The following SGCZ variants were observed in gnomAD, a reference collection of about 807,000 sequenced individuals.
SGCZ encodes sarcoglycan zeta, also known as zeta-sarcoglycan.
A neutral mutation model predicts 41.3 loss-of-function variants in SGCZ; 40 were observed. The observed-to-expected ratio is 0.97, with a 90% CI of 0.75 to 1.26. The LOEUF is 1.26. Among genes scored for constraint, SGCZ ranks in the 50% most tolerant of loss-of-function variants. SGCZ has a pLI of 0.00. For synonymous variants in SGCZ, 206 were observed against 137.5 expected (o/e 1.50, Z -3.49); for missense variants, 552 against 369.8 (o/e 1.49, Z -4.04).
intron 5 of SGCZ, among the ~76,000 whole-genome samples, chr8:14,125,440 C>G (rs1179133682): frequency 6.6e-6 from 1 of 150,828 alleles, no homozygotes; most frequent in Non-Finnish European, 1.5e-5. Context: ...GGAGGCAGAG[C>G]TCGCAGTGAG....
At chr8:14,994,650 G>C (rs1174988415) in intron 1 of SGCZ, among the ~76,000 whole-genome samples, 1 of 151,294 alleles carries the variant, frequency 6.6e-6, no homozygotes, top group Non-Finnish European at 1.5e-5. Flanking sequence ...TAGATTAGGG[G>C]CGTGTGTGTA....
chr8:14,758,888 A>C (rs1369261640), intron 1 of SGCZ, among the ~76,000 whole-genome samples: 1 of 151,872 alleles, frequency 6.6e-6, no homozygotes, highest in East Asian at 1.9e-4. Flanking sequence ...TGTGCCTGTC[A>C]TCTCAGCTAC....
intron 2 of SGCZ, among the ~76,000 whole-genome samples, chr8:14,498,526 A>G (rs1802058270): frequency 1.3e-5 from 2 of 152,110 alleles, no homozygotes; most frequent in African/African-American, 2.4e-5. Context: ...ACAAAAGAAT[A>G]ACCCATAACA....
chr8:15,113,859 A>G (rs930029585), intron 1 of SGCZ, among the ~76,000 whole-genome samples: 1 of 152,188 alleles, frequency 6.6e-6, no homozygotes, highest in African/African-American at 2.4e-5. Flanking sequence ...CTTCTTCCTT[A>G]TAAGTTCCCC....
intron 4 of SGCZ, among the ~76,000 whole-genome samples, chr8:14,221,429 C>T (rs1281371602): frequency 6.6e-6 from 1 of 152,160 alleles, no homozygotes; most frequent in Non-Finnish European, 1.5e-5. Context: ...TCCATTCCTA[C>T]CACAGTGCCT....
intron 1 of SGCZ, among the ~76,000 whole-genome samples, chr8:14,884,999 C>T (rs1371958113): frequency 6.6e-6 from 1 of 152,074 alleles, no homozygotes; most frequent in Non-Finnish European, 1.5e-5. Flanking sequence ...CCACCCACTG[C>T]CATGACTTTT....
intron 4 of SGCZ, among the ~76,000 whole-genome samples, chr8:14,177,753 T>A (rs1316787993): frequency 4.7e-5 from 7 of 147,876 alleles, no homozygotes; most frequent in Admixed American, 2.7e-4. Flanking sequence ...CTCGATCTCC[T>A]GACCTCGTGA....
At chr8:14,863,467 G>C (rs1262205453) in intron 1 of SGCZ, among the ~76,000 whole-genome samples, 12 of 151,976 alleles carry the variant, frequency 7.9e-5, no homozygotes. Context: ...TGGGACTACA[G>C]GTACTCACCA....
At chr8:15,091,823 G>A (rs1806162772) in intron 1 of SGCZ, among the ~76,000 whole-genome samples, 2 of 152,188 alleles carry the variant, frequency 1.3e-5, no homozygotes, top group South Asian at 4.1e-4. Flanking sequence ...TGTGATCACG[G>A]CTCACTGCAG....
chr8:14,389,333 A>G (rs1031704628), intron 2 of SGCZ, among the ~76,000 whole-genome samples: 2 of 151,876 alleles, frequency 1.3e-5, no homozygotes, highest in Admixed American at 6.6e-5. Context: ...AATTTTTCAG[A>G]AATAAAGAAA....
intron 1 of SGCZ, among the ~76,000 whole-genome samples, chr8:14,869,742 C>T (rs1474686657): frequency 2.0e-5 from 3 of 152,144 alleles, no homozygotes; most frequent in Non-Finnish European, 4.4e-5. Context: ...TCAGCAAACT[C>T]TCAGGATACA....
At chr8:14,388,292 G>A (rs1385759650) in intron 2 of SGCZ, among the ~76,000 whole-genome samples, 1 of 152,062 alleles carries the variant, frequency 6.6e-6, no homozygotes, top group Non-Finnish European at 1.5e-5. Flanking sequence ...TGTGGAACAG[G>A]AAATGAAGAT....
At position 14,672,442 on chromosome 8, in the gene SGCZ, A is replaced by G. The variant is rs541815365; in HGVS notation, c.40-117516T>C. On this transcript the variant is annotated intron_variant, in intron 1 of 7. Coordinates refer to ENST00000382080, the MANE Select transcript of SGCZ (RefSeq NM_139167.4). ...AATCAAGCTGGTGGTTGTTTTTTAA[A>G]TTCATGTATGTATGTATTTAATATT... 9.2e-5 allele frequency among the ~76,000 whole-genome samples: 14 copies of G among 152,276 alleles called. 2 individuals carry two copies. In the South Asian group the frequency reaches 2.9e-3, roughly 32 times the overall value.
At chr8:14,887,393 C>T (rs1804850323) in intron 1 of SGCZ, among the ~76,000 whole-genome samples, 1 of 152,080 alleles carries the variant, frequency 6.6e-6, no homozygotes, top group South Asian at 2.1e-4. Flanking sequence ...ATTTTTCTGA[C>T]TGCATTATCA....
chr8:14,500,071 T>G (rs565346642), intron 2 of SGCZ, among the ~76,000 whole-genome samples: 1 of 152,178 alleles, frequency 6.6e-6, no homozygotes. Flanking sequence ...ATTAAAAGGG[T>G]ACTTGAAAAC....
chr8:14,383,788 A>G (rs1804460550), intron 2 of SGCZ, among the ~76,000 whole-genome samples: 1 of 152,152 alleles, frequency 6.6e-6, no homozygotes, highest in Admixed American at 6.5e-5. Context: ...CAGGGACTGT[A>G]CAGTTGAATG....
intron 1 of SGCZ, among the ~76,000 whole-genome samples, chr8:15,060,353 G>C (rs565035572): frequency 2.6e-4 from 39 of 152,092 alleles, no homozygotes; most frequent in African/African-American, 8.4e-4. Context: ...AAAAGGATGA[G>C]TTCATGTCCT....
intron 1 of SGCZ, among the ~76,000 whole-genome samples, chr8:14,764,668 A>G (rs1427907463): frequency 1.3e-5 from 2 of 152,164 alleles, no homozygotes; most frequent in African/African-American, 4.8e-5. Flanking sequence ...GCTCTAGATT[A>G]AAGGAGATTA....
chr8:14,334,787 T>A (rs1173353990), intron 2 of SGCZ, among the ~76,000 whole-genome samples: 1 of 152,136 alleles, frequency 6.6e-6, no homozygotes, highest in East Asian at 1.9e-4. Flanking sequence ...TAGACTGTTT[T>A]AAAGGAATCT....
Sources: allele counts gnomAD v4.1 joint callset (sites outside exome capture counted in the v4.1 genomes callset), GRCh38; gene constraint gnomAD v4.1.1; transcripts MANE v1.5; gene names NCBI Gene and HGNC (gene_info 2026-07-23, HGNC 2026-07-21).